ABL2: variants seen among roughly 807,000 people sequenced by gnomAD.
ABL2 encodes the protein ABL proto-oncogene 2, non-receptor tyrosine kinase.
A neutral mutation model predicts 107.7 loss-of-function variants in ABL2; 49 were observed. The ratio of observed to expected loss-of-function variants is 0.45; its 90% CI spans 0.36 to 0.58. The LOEUF (loss-of-function observed/expected upper bound fraction) is 0.58, where lower values mean the gene tolerates loss of function less well. ABL2 is among the 20% of genes least tolerant of loss of function. ABL2 has a pLI of 0.00. For synonymous variants in ABL2, 549 were observed against 548.6 expected (o/e 1.00, Z -0.01); for missense variants, 1,245 against 1,457.0 (o/e 0.85, Z 2.37).
chr1:179,216,618 T>A (rs909279011), intron 1 of ABL2, among the ~76,000 whole-genome samples: 1 of 152,202 alleles, frequency 6.6e-6, no homozygotes, highest in Admixed American at 6.5e-5. Flanking sequence ...TAAGCTAAAA[T>A]TTTTTAAAAA....
chr1:179,175,937 C>T (rs947166670), intron 1 of ABL2, among the ~76,000 whole-genome samples: 10 of 149,660 alleles, frequency 6.7e-5, no homozygotes, highest in Admixed American at 2.0e-4. Flanking sequence ...CTCACTACAA[C>T]CTCTGTCTCC....
intron 1 of ABL2, among the ~76,000 whole-genome samples, chr1:179,203,530 C>CT (rs928962961): frequency 7.3e-4 from 107 of 147,270 alleles, no homozygotes; most frequent in Middle Eastern, 6.9e-3. Context: ...AGTAAACAGT[C>CT]TTTTTTTTTT....
chr1:179,134,924 G>A (rs1408559656), intron 1 of ABL2, among the ~76,000 whole-genome samples: 1 of 152,224 alleles, frequency 6.6e-6, no homozygotes, highest in Non-Finnish European at 1.5e-5. Context: ...TGGAGACGGG[G>A]TTTCGCTGTG....
At chr1:179,229,100 C>T (rs1342828074) in intron 1 of ABL2, 141 bp downstream of exon 1, 5 of 1,103,862 alleles carry the variant, frequency 4.5e-6, no homozygotes, top group Non-Finnish European at 5.1e-6. Context: ...CAGGACTGGA[C>T]CAGATGGCAG....
At chr1:179,144,417 G>A (rs1003980908) in intron 1 of ABL2, among the ~76,000 whole-genome samples, 31 of 152,114 alleles carry the variant, frequency 2.0e-4, no homozygotes, top group Admixed American at 1.7e-3. Context: ...CCAAGATCGC[G>A]CCACTGCACT....
chr1:179,224,134 CA>C (rs1181284107), intron 1 of ABL2, among the ~76,000 whole-genome samples: 791 of 34,302 alleles, frequency 0.023, no homozygotes, highest in Middle Eastern at 0.031. Flanking sequence ...CTACTCACTA[CA>C]AAAAAAAAAA....
At chr1:179,210,281 G>A (rs1004507220) in intron 1 of ABL2, among the ~76,000 whole-genome samples, 5 of 151,826 alleles carry the variant, frequency 3.3e-5, no homozygotes, top group South Asian at 2.1e-4. Context: ...TGAAGTGGGC[G>A]GATCACCTGA....
chr1:179,202,896 T>A (rs952539413), intron 1 of ABL2, among the ~76,000 whole-genome samples: 9 of 152,222 alleles, frequency 5.9e-5, no homozygotes, highest in Non-Finnish European at 5.9e-5. Flanking sequence ...AAACCCTTTC[T>A]CCTTCAATTT....
chr1:179,157,289 G>A (rs1332627892), intron 1 of ABL2, among the ~76,000 whole-genome samples: 1 of 152,138 alleles, frequency 6.6e-6, no homozygotes, highest in East Asian at 1.9e-4. Flanking sequence ...GAGGTCAGGA[G>A]TTCGAGACCA....
rs1653357264 is a variant in ABL2, at chr1:179,104,685, T to G, written c.*3033A>C. On this transcript the variant is annotated 3_prime_UTR_variant, in exon 12 of 12. Coordinates refer to ENST00000502732, the MANE Select transcript of ABL2 (RefSeq NM_007314.4). ...TAGGTAAAGCACAATCAAGATGTAT[T>G]CAACACAAATCACTGCATTTTAAAG... 4.8e-6 allele frequency: 1 copy of G among 209,922 alleles called. No homozygotes were observed. The highest frequency in any genetic ancestry group is 9.7e-6 in the Non-Finnish European group (1 of 103,470). 13.0% of individuals were successfully genotyped at this position (209,922 alleles called of 1,614,324 possible).
chr1:179,184,612 A>G (rs1307963546), intron 1 of ABL2: 2 of 532,100 alleles, frequency 3.8e-6, no homozygotes. Flanking sequence ...ATTAGAAGAT[A>G]TTGATGAAGA....
intron 1 of ABL2, chr1:179,201,755 C>T (rs1661681459): frequency 3.7e-6 from 3 of 808,796 alleles, no homozygotes; most frequent in Non-Finnish European, 6.0e-6. Flanking sequence ...ATGACCTTCC[C>T]ACCAATAGGG....
chr1:179,218,252 C>T (rs1161159712), intron 1 of ABL2, among the ~76,000 whole-genome samples: 3 of 151,966 alleles, frequency 2.0e-5, no homozygotes, highest in African/African-American at 7.3e-5. Flanking sequence ...AGAGATAAAC[C>T]ACCAAAAAAA....
intron 1 of ABL2, among the ~76,000 whole-genome samples, chr1:179,170,041 A>G (rs1571240303): frequency 2.6e-5 from 4 of 152,090 alleles, no homozygotes; most frequent in South Asian, 2.1e-4. Context: ...CAACAACAAC[A>G]ACGACAACAA....
chr1:179,173,017 C>T (rs374349340), intron 1 of ABL2, among the ~76,000 whole-genome samples: 271 of 152,228 alleles, frequency 1.8e-3, no homozygotes, highest in Non-Finnish European at 3.0e-3. Flanking sequence ...TGTCAAAACA[C>T]TGTCTTTACT....
intron 1 of ABL2, among the ~76,000 whole-genome samples, chr1:179,226,023 G>A (rs1396244416): frequency 8.9e-5 from 10 of 112,794 alleles, no homozygotes; most frequent in South Asian, 6.3e-4. Flanking sequence ...CAGCCTGGGC[G>A]ACAGAGTGAG....
In ABL2 at chr1:179,108,106, G is replaced by A. The variant is rs759037308; in HGVS notation, c.3161C>T (p.Ser1054Leu). ...PQVPLPTSSI[S>L]PAKMANGTAG... ...TGTGCCATTGGCCATTTTGGCTGGC[G>A]AGATGGAAGATGTGGGCAGAGGCAC... Residue 1054 changes from serine (S) to leucine (L), a missense_variant, in exon 12 of 12, where the codon TCG (serine) becomes TTG (leucine). Ser to Leu is a moderately radical substitution (Grantham distance 145). Around this residue, in one of 3 missense-constraint regions of ABL2, gnomAD observed 761 missense variants for 766.4 expected, o/e 0.99. Transcript: ENST00000502732. 57 of 1,614,110 alleles carry A rather than the reference G, an allele frequency of 3.5e-5. 1 individual carries two copies. Among genetic ancestry groups the A allele is most frequent in the Admixed American group, 1.0e-4 (6 of 60,006 alleles).
At chr1:179,199,857 C>G (rs543044647) in intron 1 of ABL2, among the ~76,000 whole-genome samples, 2 of 151,154 alleles carry the variant, frequency 1.3e-5, no homozygotes, top group South Asian at 4.2e-4. Flanking sequence ...CTCAGCCTCC[C>G]GAGCAGCTGG....
At chr1:179,145,751 C>G (rs904311334) in intron 1 of ABL2, among the ~76,000 whole-genome samples, 1 of 152,066 alleles carries the variant, frequency 6.6e-6, no homozygotes, top group East Asian at 1.9e-4. Context: ...GCTACTGTTA[C>G]GGAAGTCAAA....
Sources: allele counts gnomAD v4.1 joint callset (sites outside exome capture counted in the v4.1 genomes callset), GRCh38; gene constraint gnomAD v4.1.1; regional missense constraint gnomAD v4.1.1; transcripts MANE v1.5; gene names NCBI Gene and HGNC (gene_info 2026-07-23, HGNC 2026-07-21).